FYB1: variants seen among roughly 807,000 people sequenced by gnomAD.
FYB1 encodes FYN binding protein 1.
Under a neutral mutation model 94.1 loss-of-function variants are expected in FYB1, and 41 were observed. The observed-to-expected ratio is 0.44, with a 90% CI of 0.34 to 0.57. The LOEUF (loss-of-function observed/expected upper bound fraction) is 0.57, where lower values mean the gene tolerates loss of function less well. FYB1 is among the 20% of genes least tolerant of loss of function. The pLI, the probability that FYB1 is intolerant of heterozygous loss-of-function variation, is 0.02. For missense variants in FYB1, 1,050 were observed against 976.8 expected, an observed-to-expected ratio of 1.07 and a Z score of -1.00; for synonymous variants, 367 against 353.2, an observed-to-expected ratio of 1.04 and a Z score of -0.44.
chr5:39,245,410 T>A (rs1163775995), intron 1 of FYB1, among the ~76,000 whole-genome samples: 3 of 152,166 alleles, frequency 2.0e-5, no homozygotes, highest in Non-Finnish European at 4.4e-5. Flanking sequence ...GAGAATAACA[T>A]AACAATTGGT....
chr5:39,200,729 T>C (rs1748233939), intron 2 of FYB1, among the ~76,000 whole-genome samples: 1 of 152,180 alleles, frequency 6.6e-6, no homozygotes, highest in South Asian at 2.1e-4. Flanking sequence ...CTCAGGAAGA[T>C]AACATATCGC....
chr5:39,130,455 T>C (rs762392208), intron 10 of FYB1, 135 bp downstream of exon 10: 20 of 680,374 alleles, frequency 2.9e-5, no homozygotes, highest in Non-Finnish European at 5.2e-5. Flanking sequence ...ATGCTCATGA[T>C]GATGGATAGC....
chr5:39,226,517 A>ACATT (rs1335261843), intron 1 of FYB1, among the ~76,000 whole-genome samples: 1 of 152,128 alleles, frequency 6.6e-6, no homozygotes, highest in Non-Finnish European at 1.5e-5. Flanking sequence ...GTCTTCTTCC[A>ACATT]CATTGTCTTA....
At chr5:39,216,165 T>C (rs549736937) in intron 1 of FYB1, among the ~76,000 whole-genome samples, 37 of 152,274 alleles carry the variant, frequency 2.4e-4, no homozygotes, top group African/African-American at 8.9e-4. Context: ...TAGATTTCTG[T>C]TGTTGTAAGC....
chr5:39,184,324 A>G (rs1406233881), intron 2 of FYB1, among the ~76,000 whole-genome samples: 1 of 152,218 alleles, frequency 6.6e-6, no homozygotes, highest in Non-Finnish European at 1.5e-5. Context: ...TCAATTATTT[A>G]ACAAAAAATA....
intron 1 of FYB1, among the ~76,000 whole-genome samples, chr5:39,214,586 G>C (rs916262357): frequency 6.6e-6 from 1 of 152,182 alleles, no homozygotes; most frequent in Non-Finnish European, 1.5e-5. Flanking sequence ...TGACATTCAA[G>C]GAGAAACCTT....
At chr5:39,162,621 GT>G (rs1458840560) in intron 2 of FYB1, among the ~76,000 whole-genome samples, 1 of 151,972 alleles carries the variant, frequency 6.6e-6, no homozygotes, top group African/African-American at 2.4e-5. Flanking sequence ...GGAGGCGGAG[GT>G]TGCAGTGAGC....
At chr5:39,127,863 G>C (rs370726451) in intron 10 of FYB1, 56 bp from the exon 11 acceptor site, 1 of 1,495,680 alleles carries the variant, frequency 6.7e-7, no homozygotes, top group Non-Finnish European at 9.0e-7. Context: ...GCCATGTAAT[G>C]CTCACTCAGA....
At chr5:39,169,854 A>T (rs955895141) in intron 2 of FYB1, 1 of 540,620 alleles carries the variant, frequency 1.8e-6, no homozygotes, top group Non-Finnish European at 3.5e-6. Context: ...CAGAACTAAC[A>T]CTTGACGTCC....
At chr5:39,205,293 C>A (rs182798158) in intron 1 of FYB1, among the ~76,000 whole-genome samples, 1 of 152,154 alleles carries the variant, frequency 6.6e-6, no homozygotes, top group Non-Finnish European at 1.5e-5. Flanking sequence ...GAATCTTACT[C>A]GCTATGTAAC....
chr5:39,210,270 G>A (rs142030753), intron 1 of FYB1, among the ~76,000 whole-genome samples: 3 of 152,332 alleles, frequency 2.0e-5, no homozygotes, highest in Non-Finnish European at 4.4e-5. Flanking sequence ...ACTTAAATGG[G>A]GACTTTCTGG....
At position 39,145,225 on chromosome 5, in the gene FYB1, T is replaced by C. The variant is rs374691093; in HGVS notation, c.1293-4084A>G. ...AAATCTAATTGCAAATGCTATTGGA[T>C]ATTTAAGGGAACTGGATATGGTTCA... On this transcript the variant is annotated intron_variant, in intron 3 of 18. Transcript: ENST00000512982. Among the ~76,000 whole-genome samples the C allele has an allele frequency of 3.9e-5, 6 of 152,222 alleles. No homozygotes were observed. In the East Asian group the frequency reaches 1.2e-3, roughly 29 times the overall value.
chr5:39,120,522 T>C (rs1326192863), intron 14 of FYB1, among the ~76,000 whole-genome samples: 1 of 152,236 alleles, frequency 6.6e-6, no homozygotes, highest in Admixed American at 6.5e-5. Flanking sequence ...CATTCTAATT[T>C]AAATTAATTT....
chr5:39,251,833 G>T lies in FYB1; in HGVS notation c.-28+22570C>A, dbSNP rs201664016. 1.4e-4 allele frequency among the ~76,000 whole-genome samples: 22 copies of T among 152,200 alleles called. No homozygotes were observed. The East Asian group carries it at 3.7e-3, about 25-fold the overall frequency. On this transcript the variant is annotated intron_variant, in intron 1 of 1. Coordinates refer to the FYB1 transcript ENST00000510188. ...ATAATGTAAAGTAGTAATTTAAAAG[G>T]TATGATAAAGGTACAAAAATAAAAT...
intron 10 of FYB1, among the ~76,000 whole-genome samples, chr5:39,128,231 G>T (rs1236774959): frequency 6.6e-6 from 1 of 152,090 alleles, no homozygotes; most frequent in Non-Finnish European, 1.5e-5. Context: ...TGTAAATATT[G>T]ATGGTAGTTG....
intron 1 of FYB1, among the ~76,000 whole-genome samples, chr5:39,209,232 T>A (rs1749134235): frequency 6.6e-6 from 1 of 152,182 alleles, no homozygotes; most frequent in Non-Finnish European, 1.5e-5. Context: ...ACAGTACTCC[T>A]GACGAGACCC....
chr5:39,246,196 G>T (rs576864663), intron 1 of FYB1, among the ~76,000 whole-genome samples: 3 of 152,084 alleles, frequency 2.0e-5, no homozygotes, highest in Non-Finnish European at 4.4e-5. Flanking sequence ...GGGAAGCTTA[G>T]AGCCCACCAG....
At chr5:39,128,433 A>G (rs1489854768) in intron 10 of FYB1, among the ~76,000 whole-genome samples, 1 of 152,140 alleles carries the variant, frequency 6.6e-6, no homozygotes, top group Non-Finnish European at 1.5e-5. Context: ...TTTTAGTATG[A>G]GAACTTTAGC....
In FYB1 at chr5:39,118,965, G is replaced by T; in HGVS notation, c.2310C>A (p.Thr770=). 5 of 1,567,746 alleles carry T rather than the reference G, an allele frequency of 3.2e-6. No homozygotes were observed. The highest frequency in any genetic ancestry group is 3.5e-6 in the Non-Finnish European group (4 of 1,149,546). ...TTSITSKKWG[T]RDLQVKPGES... is the part of the protein sequence containing the mutation. ...CACCAGGTTTTACCTGTAGATCTCT[G>T]GTTCCCCACTTTTTAGAAGTTATGG... is the stretch of plus-strand genomic sequence containing the variant. The change falls in exon 16 of 19, where the codon ACC becomes ACA. Residue 770 remains threonine (T), a synonymous_variant. Transcript: ENST00000512982.
Sources: allele counts gnomAD v4.1 joint callset (sites outside exome capture counted in the v4.1 genomes callset), GRCh38; gene constraint gnomAD v4.1.1; transcripts MANE v1.5; gene names NCBI Gene and HGNC (gene_info 2026-07-23, HGNC 2026-07-21).